Variants in SEC14L5 observed in about 807,000 individuals in gnomAD.
The protein encoded by SEC14L5 is SEC14 like lipid binding 5, also known as SEC14-like protein 5.
Under a neutral mutation model 84.6 loss-of-function variants are expected in SEC14L5, and 96 were observed. That is an observed-to-expected ratio of 1.13 (90% CI 0.96 to 1.34). The LOEUF (loss-of-function observed/expected upper bound fraction) is 1.34. SEC14L5 is among the 40% of genes most tolerant of loss of function. SEC14L5 has a pLI of 0.00. For missense variants in SEC14L5, 1,224 were observed against 942.5 expected, an observed-to-expected ratio of 1.30 and a Z score of -3.91; for synonymous variants, 546 against 383.4, an observed-to-expected ratio of 1.42 and a Z score of -4.95.
chr16:4,997,663 G>A (rs1259664636), intron 8 of SEC14L5, among the ~76,000 whole-genome samples: 1 of 152,156 alleles, frequency 6.6e-6, no homozygotes, highest in Admixed American at 6.5e-5. Flanking sequence ...GCACAATCTT[G>A]GTGGCTTAAA....
At chr16:5,008,739 C>G in intron 14 of SEC14L5, 91 bp downstream of exon 14, 1 of 1,128,334 alleles carries the variant, frequency 8.9e-7, no homozygotes, top group Non-Finnish European at 1.3e-6. Context: ...GGAGGACATA[C>G]TGGGCTGCTG....
intron 11 of SEC14L5, among the ~76,000 whole-genome samples, chr16:5,004,278 G>A (rs973771973): frequency 6.6e-6 from 1 of 152,168 alleles, no homozygotes; most frequent in Non-Finnish European, 1.5e-5. Flanking sequence ...TCAAGGCTCT[G>A]TTCAGGTGAG....
intron 14 of SEC14L5, chr16:5,010,816 GT>G (rs1955790876): frequency 2.3e-6 from 1 of 431,238 alleles, no homozygotes; most frequent in Non-Finnish European, 4.2e-6. Context: ...AAATCCAGGT[GT>G]TTAAGCACCT....
At chr16:4,978,956 G>A (rs1955385142) in intron 2 of SEC14L5, among the ~76,000 whole-genome samples, 2 of 152,202 alleles carry the variant, frequency 1.3e-5, no homozygotes, top group East Asian at 1.9e-4. Context: ...GGCTGGTCTC[G>A]AAGTCCTGGG....
In SEC14L5 at chr16:5,008,589, G is replaced by C; in HGVS notation, c.1741G>C (p.Gly581Arg). ...GCTGATCGACAAAGGCTGGGTCCTG[G>C]GCAGGGATTACAGCCGTGTGGAGGC... ...GQLIDKGWVL[G>R]RDYSRVEAPL... The change falls in exon 14 of 16, where the codon GGC (glycine) becomes CGC (arginine). Residue 581 changes from glycine (G) to arginine (R), a missense_variant. By Grantham distance (125) the Gly-to-Arg change is moderately radical. Transcript: ENST00000251170. 5 of 1,607,040 alleles carry C rather than the reference G, an allele frequency of 3.1e-6. No homozygotes were observed. In the South Asian group the frequency reaches 4.4e-5, roughly 14 times the overall value.
At chr16:4,966,902 C>G (rs1050045257) in intron 2 of SEC14L5, among the ~76,000 whole-genome samples, 5 of 152,198 alleles carry the variant, frequency 3.3e-5, no homozygotes, top group African/African-American at 7.2e-5. Flanking sequence ...GAATACAGCC[C>G]AAGCCTGCAG....
In SEC14L5 at chr16:5,017,378, GA is replaced by G. The variant is rs1158123469; in HGVS notation, c.*2409del. 3.3e-5 allele frequency: 5 copies of G among 152,328 alleles called. No homozygotes were observed. The highest frequency in any genetic ancestry group is 3.2e-3 in the Middle Eastern group (1 of 316). The allele number at this position is 152,328 out of a possible 1,614,324, so 9.4% of individuals were successfully genotyped here. Reference sequence around the variant, plus strand: ...GTGGGTGCTGCTTCAGATATGGCTGGATCCAGGAGCTTAATGTCCTCAGGCC... The same window carrying G: ...GTGGGTGCTGCTTCAGATATGGCTGGTCCAGGAGCTTAATGTCCTCAGGCC... On this transcript the variant is annotated 3_prime_UTR_variant, in exon 16 of 16. Transcript: ENST00000251170.
intron 2 of SEC14L5, among the ~76,000 whole-genome samples, chr16:4,970,271 G>A (rs905149894): frequency 6.6e-6 from 1 of 152,192 alleles, no homozygotes; most frequent in Non-Finnish European, 1.5e-5. Context: ...CCATAGGAGG[G>A]TCATTTGAGC....
In SEC14L5 at chr16:5,006,061, T is replaced by G; in HGVS notation, c.1437+13T>G. On this transcript the variant is annotated intron_variant, in intron 12 of 15. Coordinates refer to ENST00000251170, the MANE Select transcript of SEC14L5 (RefSeq NM_014692.2). Reference sequence around the variant, plus strand: ...GGGAGAGAGTGTGGTGAGGCTTCCATGTCCACAGACAGACCTGGGCTTGAG... The same window carrying G: ...GGGAGAGAGTGTGGTGAGGCTTCCAGGTCCACAGACAGACCTGGGCTTGAG... 6.2e-7 allele frequency: 1 copy of G among 1,612,686 alleles called. No individual in the cohort carries two copies. Among genetic ancestry groups the G allele is most frequent in the Non-Finnish European group, 8.5e-7 (1 of 1,179,278 alleles).
In SEC14L5 at chr16:4,982,399, C is replaced by A. The variant is rs373206423; in HGVS notation, c.64-5158C>A. On this transcript the variant is annotated intron_variant, in intron 2 of 15. Coordinates refer to ENST00000251170, the MANE Select transcript of SEC14L5 (RefSeq NM_014692.2). ...GTCAGCCACAGATGCTGGGATACGC[C>A]CCCACCACCCTGACCCTGGCCCTTC... 3.3e-5 allele frequency among the ~76,000 whole-genome samples: 5 copies of A among 152,278 alleles called. No homozygotes were observed. In the South Asian group the frequency reaches 1.0e-3, roughly 32 times the overall value.
At chr16:4,988,640 C>T (rs1055529262) in intron 4 of SEC14L5, among the ~76,000 whole-genome samples, 4 of 152,212 alleles carry the variant, frequency 2.6e-5, no homozygotes, top group African/African-American at 9.6e-5. Context: ...AATTATGCCT[C>T]AGTTTCCTCA....
Position 5,015,118 on chromosome 16 carries a change from G to A in SEC14L5, c.*148G>A, listed in dbSNP as rs1188676970. On this transcript the variant is annotated 3_prime_UTR_variant, in exon 16 of 16. Transcript: ENST00000251170. Reference sequence around the variant, plus strand: ...CAAGTTGGGGTGTCTGGAGCGGATGGCAAGGATCCAGAACTGGCCTGTGGG... The same window carrying A: ...CAAGTTGGGGTGTCTGGAGCGGATGACAAGGATCCAGAACTGGCCTGTGGG... The A allele has an allele frequency of 1.7e-5, 11 of 636,578 alleles. No individual in the cohort carries two copies. Among genetic ancestry groups the A allele is most frequent in the Non-Finnish European group, 3.0e-5 (11 of 367,680 alleles). 39.4% of individuals were successfully genotyped at this position (636,578 alleles called of 1,614,324 possible). A position where few individuals can be genotyped will look rare whatever the true frequency, so the allele number is the denominator to read the frequency against.
At chr16:4,984,253 C>T (rs1036207073) in intron 2 of SEC14L5, among the ~76,000 whole-genome samples, 4 of 152,120 alleles carry the variant, frequency 2.6e-5, no homozygotes, top group African/African-American at 4.8e-5. Context: ...TCTATTTGCC[C>T]GTTCTGAACA....
Position 5,003,558 on chromosome 16 carries a change from C to G in SEC14L5, c.1287C>G (p.Pro429=), listed in dbSNP as rs373532254. 10 of 1,343,258 alleles carry G rather than the reference C, an allele frequency of 7.4e-6. No individual in the cohort carries two copies. The Admixed American group carries it at 1.9e-4, about 25-fold the overall frequency. 83.2% of individuals were successfully genotyped at this position (1,343,258 alleles called of 1,614,324 possible). ...TCGTGCGAGCCCCCCGAGTCTTCCC[C>G]GTGCTCTGGACACTGGTAAGAGCTG... ...LLIVRAPRVF[P]VLWTLISPFI... is the part of the protein sequence containing the mutation. The change falls in exon 11 of 16, where the codon CCC becomes CCG. Residue 429 remains proline, a synonymous_variant. Coordinates refer to ENST00000251170, the MANE Select transcript of SEC14L5 (RefSeq NM_014692.2).
At chr16:4,970,564 C>G (rs1202107726) in intron 2 of SEC14L5, among the ~76,000 whole-genome samples, 2 of 152,198 alleles carry the variant, frequency 1.3e-5, no homozygotes, top group African/African-American at 2.4e-5. Flanking sequence ...TCAAGCTGCT[C>G]TAGGCTGGCC....
intron 2 of SEC14L5, among the ~76,000 whole-genome samples, chr16:4,983,877 C>CAAAA (rs1433596497): frequency 1.4e-5 from 2 of 144,070 alleles, no homozygotes; most frequent in African/African-American, 5.0e-5. Context: ...AACTCTGTCT[C>CAAAA]AAATAAATAA....
intron 6 of SEC14L5, among the ~76,000 whole-genome samples, chr16:4,994,718 C>G (rs1023706814): frequency 2.0e-5 from 3 of 151,798 alleles, no homozygotes; most frequent in African/African-American, 4.8e-5. Flanking sequence ...CGCTCCTGCC[C>G]CCTCCTGTGC....
At chr16:4,977,370 C>T (rs142631967) in intron 2 of SEC14L5, among the ~76,000 whole-genome samples, 2,094 of 142,966 alleles carry the variant, frequency 0.015, 75 homozygotes, top group African/African-American at 0.052. Context: ...TCGTTTGAAC[C>T]CAGGAGGCGG....
chr16:4,965,336 A>C (rs980662233), intron 2 of SEC14L5, among the ~76,000 whole-genome samples: 1 of 152,132 alleles, frequency 6.6e-6, no homozygotes, highest in Non-Finnish European at 1.5e-5. Context: ...TTTATGCACA[A>C]GTTTTTGTAT....
Sources: allele counts gnomAD v4.1 joint callset (sites outside exome capture counted in the v4.1 genomes callset), GRCh38; gene constraint gnomAD v4.1.1; transcripts MANE v1.5; gene names NCBI Gene and HGNC (gene_info 2026-07-23, HGNC 2026-07-21).